PTPRO: variants seen among roughly 807,000 people sequenced by gnomAD.
The protein encoded by PTPRO is protein tyrosine phosphatase receptor type O, also known as receptor-type tyrosine-protein phosphatase O.
A neutral mutation model predicts 145.2 loss-of-function variants in PTPRO; 62 were observed. The ratio of observed to expected loss-of-function variants is 0.43; its 90% CI spans 0.35 to 0.53. PTPRO has a LOEUF of 0.53. PTPRO is among the 20% of genes least tolerant of loss of function. The probability of loss-of-function intolerance (pLI) is 0.01; values close to 1 mark genes in which losing one functional copy is unlikely to be tolerated. For synonymous variants in PTPRO, 565 were observed against 514.7 expected (o/e 1.10, Z -1.32); for missense variants, 1,345 against 1,482.7 (o/e 0.91, Z 1.53).
At chr12:15,397,718 AC>A (rs1294784757) in intron 1 of PTPRO, among the ~76,000 whole-genome samples, 1 of 152,160 alleles carries the variant, frequency 6.6e-6, no homozygotes, top group Non-Finnish European at 1.5e-5. Context: ...TAGGAAGAAA[AC>A]AGAAAAAGTT....
chr12:15,470,926 G>T (rs1357029541), intron 1 of PTPRO, among the ~76,000 whole-genome samples: 3 of 152,120 alleles, frequency 2.0e-5, no homozygotes, highest in African/African-American at 7.2e-5. Context: ...GGTTTATTTT[G>T]TTGTAATTGT....
intron 1 of PTPRO, among the ~76,000 whole-genome samples, chr12:15,469,439 G>T (rs1435553950): frequency 1.3e-5 from 2 of 152,170 alleles, no homozygotes; most frequent in Non-Finnish European, 2.9e-5. Flanking sequence ...CCTGATCACT[G>T]AACTGTTGAG....
chr12:15,325,460 G>T (rs866921658), intron 1 of PTPRO, among the ~76,000 whole-genome samples: 18 of 152,304 alleles, frequency 1.2e-4, no homozygotes, highest in African/African-American at 4.3e-4. Flanking sequence ...TGCACATTAT[G>T]AAGCTAATAT....
chr12:15,442,756 C>A (rs369919736), intron 1 of PTPRO, among the ~76,000 whole-genome samples: 32 of 151,726 alleles, frequency 2.1e-4, no homozygotes, highest in Middle Eastern at 3.4e-3. Flanking sequence ...GCCACACACA[C>A]AAAAAAATAC....
chr12:15,376,101 T>C (rs1167846711), intron 1 of PTPRO, among the ~76,000 whole-genome samples: 1 of 152,048 alleles, frequency 6.6e-6, no homozygotes, highest in East Asian at 1.9e-4. Flanking sequence ...AAGAAAATCA[T>C]AGCCATAAAC....
At chr12:15,396,720 G>T (rs747431095) in intron 1 of PTPRO, among the ~76,000 whole-genome samples, 3 of 152,042 alleles carry the variant, frequency 2.0e-5, no homozygotes, top group Non-Finnish European at 4.4e-5. Flanking sequence ...GGACTTTTAT[G>T]ATTCTATAGA....
intron 25 of PTPRO, among the ~76,000 whole-genome samples, chr12:15,590,911 A>C (rs187241853): frequency 6.6e-6 from 1 of 152,188 alleles, no homozygotes; most frequent in Non-Finnish European, 1.5e-5. Context: ...TAATCGGTCC[A>C]TATTTTTGGC....
At chr12:15,459,478 T>C (rs990235659) in intron 1 of PTPRO, among the ~76,000 whole-genome samples, 2 of 152,206 alleles carry the variant, frequency 1.3e-5, no homozygotes, top group African/African-American at 4.8e-5. Flanking sequence ...CTCCCAAGCA[T>C]ATAGCAATAC....
intron 25 of PTPRO, among the ~76,000 whole-genome samples, chr12:15,590,293 A>G (rs1050853088): frequency 3.9e-5 from 6 of 152,172 alleles, no homozygotes; most frequent in Admixed American, 2.6e-4. Flanking sequence ...CCTGCCTCAG[A>G]GCAGCCGTGG....
At chr12:15,396,194 G>C (rs1381849896) in intron 1 of PTPRO, among the ~76,000 whole-genome samples, 1 of 152,152 alleles carries the variant, frequency 6.6e-6, no homozygotes, top group East Asian at 1.9e-4. Context: ...GTGAAGATGT[G>C]TGTGAATTCA....
chr12:15,533,333 T>C (rs1054477165), intron 12 of PTPRO, among the ~76,000 whole-genome samples: 1 of 152,230 alleles, frequency 6.6e-6, no homozygotes, highest in Non-Finnish European at 1.5e-5. Flanking sequence ...TTCTATCTTA[T>C]TCCTCTCTGT....
At chr12:15,496,610 A>G (rs543772642) in intron 2 of PTPRO, among the ~76,000 whole-genome samples, 122 of 152,344 alleles carry the variant, frequency 8.0e-4, no homozygotes, top group South Asian at 2.7e-3. Context: ...AAAGTTTTCC[A>G]GTGAATGAAC....
At chr12:15,349,182 T>A (rs1937707737) in intron 1 of PTPRO, among the ~76,000 whole-genome samples, 2 of 152,190 alleles carry the variant, frequency 1.3e-5, no homozygotes, top group African/African-American at 4.8e-5. Flanking sequence ...TTAAATCTAT[T>A]TGGAGTGGGA....
At chr12:15,396,735 GA>G (rs1337349675) in intron 1 of PTPRO, among the ~76,000 whole-genome samples, 2 of 152,042 alleles carry the variant, frequency 1.3e-5, no homozygotes, top group Admixed American at 1.3e-4. Flanking sequence ...TATAGAGGAA[GA>G]AAATAAAATG....
intron 6 of PTPRO, among the ~76,000 whole-genome samples, chr12:15,505,717 G>A (rs1942307858): frequency 6.6e-6 from 1 of 152,164 alleles, no homozygotes; most frequent in Admixed American, 6.5e-5. Flanking sequence ...AAATTAGGGT[G>A]GCTTACGTTT....
chr12:15,569,588 G>A (rs1943990372), intron 19 of PTPRO, 90 bp downstream of exon 19: 2 of 1,154,082 alleles, frequency 1.7e-6, no homozygotes, highest in Admixed American at 1.8e-5. Context: ...CTGCTCACTG[G>A]CAGTGCGTAA....
intron 1 of PTPRO, among the ~76,000 whole-genome samples, chr12:15,452,776 T>G (rs1170797881): frequency 1.3e-5 from 2 of 152,190 alleles, no homozygotes; most frequent in African/African-American, 4.8e-5. Context: ...TTTCTGCCTT[T>G]ACTACACAGA....
intron 17 of PTPRO, among the ~76,000 whole-genome samples, chr12:15,562,486 T>TATATGG (rs2135589544): frequency 6.6e-6 from 1 of 152,308 alleles, no homozygotes; most frequent in South Asian, 2.1e-4. Context: ...TATATGTTCC[T>TATATGG]GTTGATTTTC....
intron 15 of PTPRO, among the ~76,000 whole-genome samples, chr12:15,552,018 A>G (rs75670225): frequency 0.018 from 2,278 of 128,140 alleles, 26 homozygotes; most frequent in Middle Eastern, 0.036. Context: ...TAGTTAATGA[A>G]AAAAGTTAAT....
Sources: gnomAD v4.1 joint callset for allele counts (sites outside exome capture counted in the v4.1 genomes callset) on GRCh38, gnomAD v4.1.1 for gene constraint, MANE v1.5 for transcripts, NCBI Gene and HGNC (gene_info 2026-07-23, HGNC 2026-07-21) for gene names.